PHKB: variants seen among roughly 807,000 people sequenced by gnomAD.
PHKB encodes phosphorylase b kinase regulatory subunit beta.
Under a neutral mutation model 152.1 loss-of-function variants are expected in PHKB, and 122 were observed. The ratio of observed to expected loss-of-function variants is 0.80; its 90% CI spans 0.69 to 0.93. PHKB has a LOEUF of 0.93. PHKB is among the 40% of genes least tolerant of loss of function. The pLI, the probability that PHKB is intolerant of heterozygous loss-of-function variation, is 0.00. For missense variants in PHKB, 1,304 were observed against 1,328.4 expected (o/e 0.98, Z 0.29); for synonymous variants, 436 against 464.9 (o/e 0.94, Z 0.80).
At chr16:47,671,185 C>G (rs1014381505) in intron 26 of PHKB, among the ~76,000 whole-genome samples, 1 of 152,176 alleles carries the variant, frequency 6.6e-6, no homozygotes, top group South Asian at 2.1e-4. Context: ...TATTGCCATA[C>G]CTTTCTCCAT....
intron 1 of PHKB, among the ~76,000 whole-genome samples, chr16:47,481,613 T>C (rs906753549): frequency 3.9e-5 from 6 of 152,244 alleles, no homozygotes; most frequent in African/African-American, 1.4e-4. Flanking sequence ...TCCCACATTG[T>C]GCCCCAGTCC....
intron 8 of PHKB, among the ~76,000 whole-genome samples, chr16:47,585,475 A>G: frequency 6.6e-6 from 1 of 152,224 alleles, no homozygotes; most frequent in Non-Finnish European, 1.5e-5. Context: ...AAAGTAGGTG[A>G]TAATTAATTC....
chr16:47,624,344 A>G (rs558679038), intron 14 of PHKB, among the ~76,000 whole-genome samples: 1 of 152,248 alleles, frequency 6.6e-6, no homozygotes, highest in South Asian at 2.1e-4. Context: ...AAGAAGATGA[A>G]TTTAATATGG....
intron 14 of PHKB, 44 bp downstream of exon 14, chr16:47,610,964 A>G: frequency 8.3e-7 from 1 of 1,203,020 alleles, no homozygotes; most frequent in South Asian, 1.2e-5. Context: ...GTCCAGAGAC[A>G]TTTAAGCTTA....
At chr16:47,630,009 C>G (rs1478195920) in intron 14 of PHKB, among the ~76,000 whole-genome samples, 1 of 149,364 alleles carries the variant, frequency 6.7e-6, no homozygotes, top group Non-Finnish European at 1.5e-5. Flanking sequence ...GAACATCACA[C>G]TCTGGGGACT....
chr16:47,628,298 C>T (rs1481335387), intron 14 of PHKB, among the ~76,000 whole-genome samples: 3 of 152,040 alleles, frequency 2.0e-5, no homozygotes, highest in Admixed American at 2.0e-4. Context: ...TTTGGGAGGC[C>T]GAGGCGGGTG....
intron 26 of PHKB, among the ~76,000 whole-genome samples, chr16:47,681,984 A>C (rs1021654701): frequency 2.0e-5 from 3 of 151,666 alleles, no homozygotes; most frequent in African/African-American, 7.2e-5. Flanking sequence ...AAAATCTCTC[A>C]GCTTGTCTGT....
intron 7 of PHKB, among the ~76,000 whole-genome samples, chr16:47,555,762 G>C (rs140521054): frequency 1.3e-5 from 2 of 152,094 alleles, no homozygotes; most frequent in African/African-American, 4.8e-5. Context: ...ATGTGGGCTC[G>C]TTTTTGGTTC....
chr16:47,581,884 T>C (rs540148373), intron 8 of PHKB, among the ~76,000 whole-genome samples: 5 of 152,280 alleles, frequency 3.3e-5, no homozygotes, highest in African/African-American at 1.2e-4. Flanking sequence ...TTCACCATGT[T>C]GGCCAGGCTG....
chr16:47,635,907 G>A (rs895612572), intron 14 of PHKB, among the ~76,000 whole-genome samples: 3 of 152,232 alleles, frequency 2.0e-5, no homozygotes, highest in East Asian at 1.9e-4. Flanking sequence ...GTTATATAAA[G>A]TGTTCGCTGT....
intron 14 of PHKB, among the ~76,000 whole-genome samples, chr16:47,632,604 G>A (rs1972846323): frequency 6.6e-6 from 1 of 152,192 alleles, no homozygotes; most frequent in Non-Finnish European, 1.5e-5. Context: ...GAGGGGAACT[G>A]TGGGGATGAA....
At chr16:47,489,673 A>G (rs1479017467) in intron 1 of PHKB, among the ~76,000 whole-genome samples, 1 of 152,194 alleles carries the variant, frequency 6.6e-6, no homozygotes. Flanking sequence ...GACATTCTTT[A>G]CTGACCATGG....
At chr16:47,502,341 C>T (rs1034177386) in intron 3 of PHKB, among the ~76,000 whole-genome samples, 2 of 152,100 alleles carry the variant, frequency 1.3e-5, no homozygotes, top group African/African-American at 4.8e-5. Flanking sequence ...GTTAATCTAA[C>T]TATTAAACTA....
chr16:47,464,034 A>G, intron 1 of PHKB: 1 of 1,219,954 alleles, frequency 8.2e-7, no homozygotes, highest in Non-Finnish European at 1.2e-6. Context: ...TGGTAATTTT[A>G]AATACCTTTG....
intron 6 of PHKB, among the ~76,000 whole-genome samples, chr16:47,537,335 T>C (rs768427302): frequency 6.6e-6 from 1 of 152,238 alleles, no homozygotes; most frequent in Non-Finnish European, 1.5e-5. Flanking sequence ...AGAAAAGGGC[T>C]GAAGAAAGCA....
chr16:47,601,758 A>G (rs534403220), intron 13 of PHKB, among the ~76,000 whole-genome samples: 1 of 152,202 alleles, frequency 6.6e-6, no homozygotes, highest in African/African-American at 2.4e-5. Flanking sequence ...CATATATGCA[A>G]CTAACTTTTC....
At chr16:47,602,542 C>CTTTTTTTTTTTTTTTT (rs34655174) in intron 13 of PHKB, among the ~76,000 whole-genome samples, 96 of 122,592 alleles carry the variant, frequency 7.8e-4, no homozygotes, top group East Asian at 1.1e-3. Context: ...GCTTCTCTTC[C>CTTTTTTTTTTTTTTTT]TTTTTTTTTT....
chr16:47,482,406 A>G (rs1157834901), intron 1 of PHKB, among the ~76,000 whole-genome samples: 1 of 152,194 alleles, frequency 6.6e-6, no homozygotes, highest in Non-Finnish European at 1.5e-5. Context: ...TTGCTAATTT[A>G]TAGTTTATTG....
rs1248084177 is a variant in PHKB, at chr16:47,691,299, C to T, written c.2766-2079C>T. ...TTCTGGATTGGATTCTGGATCAAAA[C>T]AAGAATATTAGTGGTAAAATTGACA... is the stretch of plus-strand genomic sequence containing the variant. On this transcript the variant is annotated intron_variant, in intron 27 of 30. Transcript: ENST00000323584. Among the ~76,000 whole-genome samples, 6 of 152,232 alleles carry T rather than the reference C, an allele frequency of 3.9e-5. No individual in the cohort carries two copies. The East Asian group carries it at 1.2e-3, about 29-fold the overall frequency.
Sources: allele counts gnomAD v4.1 joint callset (sites outside exome capture counted in the v4.1 genomes callset), GRCh38; gene constraint gnomAD v4.1.1; transcripts MANE v1.5; gene names NCBI Gene and HGNC (gene_info 2026-07-23, HGNC 2026-07-21).